Variants in LRMDA observed in about 807,000 individuals in gnomAD.
LRMDA encodes leucine rich melanocyte differentiation associated.
Under a neutral mutation model 29.8 loss-of-function variants are expected in LRMDA, and 18 were observed. The ratio of observed to expected loss-of-function variants is 0.60; its 90% CI spans 0.42 to 0.90. The LOEUF is 0.90. Among genes scored for constraint, LRMDA ranks in the 40% least tolerant of loss-of-function variants. LRMDA has a pLI of 0.00. For synonymous variants in LRMDA, 125 were observed against 109.4 expected, an observed-to-expected ratio of 1.14 and a Z score of -0.89; for missense variants, 273 against 273.9, an observed-to-expected ratio of 1.00 and a Z score of 0.02.
intron 5 of LRMDA, among the ~76,000 whole-genome samples, chr10:76,100,846 C>T (rs1301546499): frequency 2.0e-5 from 3 of 151,984 alleles, no homozygotes; most frequent in African/African-American, 7.3e-5. Context: ...CCTAGTCCTG[C>T]CCCCACTCTT....
intron 2 of LRMDA, among the ~76,000 whole-genome samples, chr10:75,621,199 TACACACACACAC>T (rs753933285): frequency 7.3e-6 from 1 of 136,744 alleles, no homozygotes; most frequent in African/African-American, 2.6e-5. Flanking sequence ...AGTATTCCAT[TACACACACACAC>T]ACACACACAC....
At chr10:76,350,727 T>A (rs1007843545) in intron 6 of LRMDA, among the ~76,000 whole-genome samples, 2 of 152,180 alleles carry the variant, frequency 1.3e-5, no homozygotes, top group Non-Finnish European at 2.9e-5. Context: ...ATTATCCTAG[T>A]CATCTGGGGT....
chr10:75,609,293 G>A (rs1184698934), intron 2 of LRMDA, among the ~76,000 whole-genome samples: 1 of 152,154 alleles, frequency 6.6e-6, no homozygotes, highest in Non-Finnish European at 1.5e-5. Context: ...CACCCACACT[G>A]TTAATTTGTA....
intron 1 of LRMDA, among the ~76,000 whole-genome samples, 163 bp downstream of exon 1, chr10:75,431,917 A>T (rs1000064017): frequency 1.3e-5 from 2 of 152,120 alleles, no homozygotes; most frequent in African/African-American, 4.8e-5. Context: ...TAGTGGGGCT[A>T]GGACAGACCT....
intron 2 of LRMDA, among the ~76,000 whole-genome samples, chr10:75,862,178 T>TCACACACA (rs3042514): frequency 0.046 from 6,850 of 147,578 alleles, 162 homozygotes; most frequent in East Asian, 0.064. Context: ...AACCTTGGGT[T>TCACACACA]CACACACACA....
In LRMDA at chr10:75,691,833, G is replaced by A. The variant is rs116783515; in HGVS notation, c.131+253339G>A. Among the ~76,000 whole-genome samples, 847 of 152,140 alleles carry A rather than the reference G, an allele frequency of 5.6e-3. 7 individuals are homozygous for A. Among genetic ancestry groups the A allele is most frequent in the African/African-American group, 0.019 (807 of 41,504 alleles). ...CATCCTCCCTCCATTGCTCCTTCTG[G>A]AACAACAGTCTATCCCCTTTCAGCC... On this transcript the variant is annotated intron_variant, in intron 2 of 6. Coordinates refer to ENST00000611255, the MANE Select transcript of LRMDA (RefSeq NM_001305581.2).
chr10:76,347,845 CAT>C (rs1454146361), intron 6 of LRMDA, among the ~76,000 whole-genome samples: 1 of 152,130 alleles, frequency 6.6e-6, no homozygotes, highest in Non-Finnish European at 1.5e-5. Context: ...TTATTGGTAT[CAT>C]CATTGGTTTA....
intron 2 of LRMDA, among the ~76,000 whole-genome samples, chr10:75,459,084 G>A (rs890107011): frequency 2.6e-5 from 4 of 151,904 alleles, no homozygotes; most frequent in African/African-American, 9.7e-5. Context: ...CAGCAAGATG[G>A]AATGTGGAAA....
At position 75,572,046 on chromosome 10, in the gene LRMDA, C is replaced by T. The variant is rs193288170; in HGVS notation, c.131+133552C>T. Among the ~76,000 whole-genome samples the T allele has an allele frequency of 5.7e-4, 87 of 152,228 alleles. 1 individual carries two copies. Among genetic ancestry groups the T allele is most frequent in the South Asian group, 2.3e-3 (11 of 4,816 alleles). ...TTGGCTCACTGCAACCTCTGCCTCC[C>T]GGGTTCAAGCGATTCTCTTGCCTCA... On this transcript the variant is annotated intron_variant, in intron 2 of 6. Transcript: ENST00000611255.
rs747397835 is a variant in LRMDA, at chr10:76,007,023, T to C, written c.132-28985T>C. Among the ~76,000 whole-genome samples the C allele has an allele frequency of 1.0e-3, 33 of 32,294 alleles. 2 individuals carry two copies. In the East Asian group the frequency reaches 0.012, roughly 12 times the overall value. The allele number at this position is 32,294 out of a possible 152,430, so 21.2% of individuals were successfully genotyped here. On this transcript the variant is annotated intron_variant, in intron 2 of 6. Transcript: ENST00000611255. Reference sequence around the variant, plus strand: ...GTGTGTGTGTGTGTGTGTGTGTGTGTGTGTGTGTGCGCGTGTGTGTTTATA... The same window carrying C: ...GTGTGTGTGTGTGTGTGTGTGTGTGCGTGTGTGTGCGCGTGTGTGTTTATA...
intron 5 of LRMDA, among the ~76,000 whole-genome samples, chr10:76,085,913 AC>A (rs1175730619): frequency 6.6e-6 from 1 of 152,162 alleles, no homozygotes; most frequent in Admixed American, 6.5e-5. Context: ...ATTTGACAAA[AC>A]ACAAGCATCT....
intron 5 of LRMDA, among the ~76,000 whole-genome samples, chr10:76,140,830 CA>C (rs1427179362): frequency 6.6e-6 from 1 of 152,004 alleles, no homozygotes; most frequent in Non-Finnish European, 1.5e-5. Context: ...TAAGGAATGC[CA>C]CCACACCTAG....
At chr10:75,559,325 G>A (rs1359914493) in intron 2 of LRMDA, among the ~76,000 whole-genome samples, 1 of 150,778 alleles carries the variant, frequency 6.6e-6, no homozygotes, top group Non-Finnish European at 1.5e-5. Flanking sequence ...CTGCATAAAT[G>A]TCTTCTTTTG....
rs534552361 is a variant in LRMDA, at chr10:76,374,851, C to G, written c.601+50366C>G. Among the ~76,000 whole-genome samples, 16 of 152,088 alleles carry G rather than the reference C, an allele frequency of 1.1e-4. No individual in the cohort carries two copies. In the East Asian group the frequency reaches 2.3e-3, roughly 22 times the overall value. The stretch of plus-strand genomic sequence containing the variant: ...GAATCATGGCAATAAGATAATGTTC[C>G]CTTTAGCTCTTTAGTACTTGAACTT... On this transcript the variant is annotated intron_variant, in intron 6 of 6. Transcript: ENST00000611255.
At chr10:75,919,838 G>T (rs192705564) in intron 2 of LRMDA, among the ~76,000 whole-genome samples, 189 of 152,258 alleles carry the variant, frequency 1.2e-3, no homozygotes, top group Middle Eastern at 0.01. Flanking sequence ...TTTGAGAAAT[G>T]GTTCAGTTTG....
At chr10:75,720,582 G>A (rs1012851327) in intron 2 of LRMDA, among the ~76,000 whole-genome samples, 1 of 152,226 alleles carries the variant, frequency 6.6e-6, no homozygotes, top group Non-Finnish European at 1.5e-5. Context: ...CAGTGAAATT[G>A]TGTCGACTTC....
chr10:75,964,773 T>A (rs1033250336), intron 2 of LRMDA, among the ~76,000 whole-genome samples: 1 of 152,166 alleles, frequency 6.6e-6, no homozygotes, highest in Non-Finnish European at 1.5e-5. Context: ...TTTGTTTTTG[T>A]TGTTGTTGTT....
intron 2 of LRMDA, among the ~76,000 whole-genome samples, chr10:75,720,619 C>T (rs1471751064): frequency 6.6e-6 from 1 of 152,204 alleles, no homozygotes; most frequent in South Asian, 2.1e-4. Flanking sequence ...AACATCAGCA[C>T]TTAGACCACT....
At chr10:76,266,299 G>C (rs1321161681) in intron 5 of LRMDA, among the ~76,000 whole-genome samples, 1 of 152,004 alleles carries the variant, frequency 6.6e-6, no homozygotes, top group Non-Finnish European at 1.5e-5. Context: ...TATAATGTTA[G>C]AATCTGGAGA....
Sources: allele counts gnomAD v4.1 joint callset (sites outside exome capture counted in the v4.1 genomes callset), GRCh38; gene constraint gnomAD v4.1.1; transcripts MANE v1.5; gene names NCBI Gene and HGNC (gene_info 2026-07-23, HGNC 2026-07-21).